Variants in PC observed in about 807,000 individuals in gnomAD.
PC encodes pyruvate carboxylase.
A neutral mutation model predicts 107.8 loss-of-function variants in PC; 46 were observed. The ratio of observed to expected loss-of-function variants is 0.43; its 90% confidence interval spans 0.34 to 0.55. PC has a LOEUF of 0.55. Ranked by LOEUF, PC falls within the 20% of genes least tolerant of loss-of-function variation. The pLI, the probability that PC is intolerant of heterozygous loss-of-function variation, is 0.04. For missense variants in PC, 1,241 were observed against 1,643.1 expected (o/e 0.76, Z 4.23); for synonymous variants, 662 against 684.7 (o/e 0.97, Z 0.52).
chr11:66,859,220 T>G, intron 12 of PC: 1 of 1,243,434 alleles, frequency 8.0e-7, no homozygotes, highest in South Asian at 1.7e-5. Context: ...CCATGGCTGC[T>G]GGACTCTTGG....
At chr11:66,920,157 G>A (rs1279186254) in intron 3 of PC, among the ~76,000 whole-genome samples, 2 of 152,200 alleles carry the variant, frequency 1.3e-5, no homozygotes, top group Non-Finnish European at 2.9e-5. Flanking sequence ...TGGCACAGAG[G>A]AGGGGAGGAG....
rs1415973565 is a variant in PC at position 66,852,625 on chromosome 11, G to A, written c.1639C>T (p.Arg547Ter). The change falls in exon 15 of 23, where the codon CGA (arginine) becomes TGA (stop). Residue 547 changes from arginine to a stop codon, truncating the protein, a stop_gained. Coordinates refer to ENST00000393960, the MANE Select transcript of PC (RefSeq NM_001040716.2). LOFTEE classifies it high-confidence loss of function. The surrounding 1 kb of genome is among the most constrained non-coding windows in gnomAD (Gnocchi z 4.7). ...CGAGCAAAGCCCTCAGGCCCCTCTC[G>A]CAGCAGGATGTCTCTGAAACCAGCC... The part of the protein sequence containing the change: ...PPAGFRDILL[R>*]EGPEGFARAV... The A allele has an allele frequency of 5.0e-6, 8 of 1,613,830 alleles. No homozygotes were observed. Among genetic ancestry groups the A allele is most frequent in the South Asian group, 1.1e-5 (1 of 91,074 alleles).
At chr11:66,898,110 T>C (rs1356783354) in intron 3 of PC, among the ~76,000 whole-genome samples, 1 of 152,148 alleles carries the variant, frequency 6.6e-6, no homozygotes, top group African/African-American at 2.4e-5. Context: ...CCAAATTAAA[T>C]TGGAATTAAG....
chr11:66,905,285 A>G (rs1948122648), intron 3 of PC, among the ~76,000 whole-genome samples: 1 of 152,250 alleles, frequency 6.6e-6, no homozygotes, highest in South Asian at 2.1e-4. Flanking sequence ...CTCACAGAGG[A>G]GACGCTTGGC....
At position 66,850,865 on chromosome 11, in the gene PC, T is replaced by C. The variant is rs1266709873; in HGVS notation, c.2282A>G (p.Asp761Gly). The C allele has an allele frequency of 1.2e-6, 2 of 1,611,338 alleles. No homozygotes were observed. Among genetic ancestry groups the C allele is most frequent in the East Asian group, 4.5e-5 (2 of 44,884 alleles). ...ACTMLVSSLR[D>G]RFPDLPLHIH... Reference sequence around the variant, plus strand: ...GTGCAGTGGGAGGTCGGGGAAGCGGTCCCGGAGGGAGCTGACCAGCATGGT... The same window carrying C: ...GTGCAGTGGGAGGTCGGGGAAGCGGCCCCGGAGGGAGCTGACCAGCATGGT... Residue 761 changes from aspartate (D) to glycine (G), a missense_variant, in exon 18 of 23, where the codon GAC (aspartate) becomes GGC (glycine). Around this residue, in one of 2 missense-constraint regions of PC, gnomAD observed 1,143 missense variants for 1,551.9 expected, o/e 0.74. Transcript: ENST00000393960.
rs1946754873 is a variant in PC, at chr11:66,872,000, C to T, written c.136+24G>A. 1.3e-6 allele frequency: 2 copies of T among 1,557,174 alleles called. No homozygotes were observed. Among genetic ancestry groups the T allele is most frequent in the Middle Eastern group, 1.7e-4 (1 of 5,992 alleles). Reference sequence around the variant, plus strand: ...AGGCTGGGGCGGCCATGAGGCTCCTCTCACCGGCCCCACTGGTGCTCACCT... The same window carrying T: ...AGGCTGGGGCGGCCATGAGGCTCCTTTCACCGGCCCCACTGGTGCTCACCT... On this transcript the variant is annotated intron_variant, in intron 4 of 22. Transcript: ENST00000393960. The surrounding 1 kb of genome is among the most constrained non-coding windows in gnomAD (Gnocchi z 7.4).
rs1236513833 is a variant in PC at position 66,871,089 on chromosome 11, C to G, written c.596G>C (p.Gly199Ala). 2 of 1,613,986 alleles carry G rather than the reference C, an allele frequency of 1.2e-6. No homozygotes were observed. The highest frequency in any genetic ancestry group is 3.3e-5 in the Admixed American group (2 of 60,000). Residue 199 changes from glycine (G) to alanine (A), a missense_variant, in exon 7 of 23, where the codon GGT becomes GCT. Transcript: ENST00000393960. This position sits in a 1 kb window ranked among gnomAD's most constrained non-coding sequence, Gnocchi z 7.4. ...CACCACCCTCATGCCACGCCCTCCA[C>G]CCCCATAGGCCGCCTTGAAGATGAT... ...FPIIFKAAYG[G>A]GGRGMRVVHS...
intron 3 of PC, among the ~76,000 whole-genome samples, chr11:66,909,566 T>G (rs1328982458): frequency 6.6e-6 from 1 of 152,136 alleles, no homozygotes; most frequent in Non-Finnish European, 1.5e-5. Flanking sequence ...CGTGTCCTAT[T>G]TGGTCCAGCG....
rs1565226330 is a variant in PC, at chr11:66,858,848, G to C, written c.1368+4926C>G. ...CCACAGCCCGAGTAGAACTGCGGGTGCTGGCCTTGCCCCATGGTGGGAACA... is the reference window on the plus strand; with the variant it reads ...CCACAGCCCGAGTAGAACTGCGGGTCCTGGCCTTGCCCCATGGTGGGAACA... On this transcript the variant is annotated intron_variant, in intron 12 of 22. Transcript: ENST00000393960. The surrounding 1 kb of genome is among the most constrained non-coding windows in gnomAD (Gnocchi z 5.9). The C allele has an allele frequency of 6.4e-7, 1 of 1,551,918 alleles. No individual in the cohort carries two copies. Among genetic ancestry groups the C allele is most frequent in the Non-Finnish European group, 8.7e-7 (1 of 1,149,106 alleles).
In PC at chr11:66,876,916, C is replaced by T. The variant is rs371733448; in HGVS notation, c.1-4757G>A. On this transcript the variant is annotated intron_variant, in intron 3 of 22. Transcript: ENST00000393960. ...CAGCAAACACAAGTGGCTCTTGAAC[C>T]CACGAGAAAGCAAGAGATTCAAAAT... 2.8e-4 allele frequency among the ~76,000 whole-genome samples: 42 copies of T among 152,324 alleles called. 1 individual carries two copies. The highest frequency in any genetic ancestry group is 9.9e-4 in the African/African-American group (41 of 41,568).
At chr11:66,950,196 G>A (rs1949404182) in intron 3 of PC, among the ~76,000 whole-genome samples, 1 of 152,212 alleles carries the variant, frequency 6.6e-6, no homozygotes, top group Non-Finnish European at 1.5e-5. Flanking sequence ...ACAGACAAGA[G>A]AAAGGTGACA....
chr11:66,920,021 C>T (rs1025550493), intron 3 of PC, among the ~76,000 whole-genome samples: 1 of 152,074 alleles, frequency 6.6e-6, no homozygotes, highest in Non-Finnish European at 1.5e-5. Context: ...TAGCACAAAA[C>T]GGTTGTTGAA....
chr11:66,852,392 G>T lies in PC; in HGVS notation c.1825+47C>A. 3 of 1,473,084 alleles carry T rather than the reference G, an allele frequency of 2.0e-6. No individual in the cohort carries two copies. In the South Asian group the frequency reaches 3.4e-5, roughly 17 times the overall value. 91.3% of individuals were successfully genotyped at this position (1,473,084 alleles called of 1,614,324 possible). A position where few individuals can be genotyped will look rare whatever the true frequency, so the allele number is the denominator to read the frequency against. On this transcript the variant is annotated intron_variant, in intron 15 of 22. Transcript: ENST00000393960. The surrounding 1 kb of genome is among the most constrained non-coding windows in gnomAD (Gnocchi z 4.7). ...GCCTAAGCCTGTGGGACTGGCCACA[G>T]AGCGGGCGCCCATTCCTACCAGGCG...
rs1591143695 is a variant in PC at position 66,857,570 on chromosome 11, C to G, written c.1369-4187G>C. The G allele has an allele frequency of 9.3e-6, 6 of 647,538 alleles. No individual in the cohort carries two copies. The highest frequency in any genetic ancestry group is 9.0e-5 in the Admixed American group (3 of 33,390). The allele number at this position is 647,538 out of a possible 1,614,324, so 40.1% of individuals were successfully genotyped here. On this transcript the variant is annotated intron_variant, in intron 12 of 22. Coordinates refer to ENST00000393960, the MANE Select transcript of PC (RefSeq NM_001040716.2). The surrounding 1 kb of genome is among the most constrained non-coding windows in gnomAD (Gnocchi z 7.1). ...GTGACCTTTGCTCTGGGGGGCCTGG[C>G]CCTGCAGGCCCCAACCTTCCCTCAT...
chr11:66,870,548 T>G lies in PC; in HGVS notation c.752-95A>C, dbSNP rs1946684567. On this transcript the variant is annotated intron_variant, in intron 8 of 22. Coordinates refer to ENST00000393960, the MANE Select transcript of PC (RefSeq NM_001040716.2). This position sits in a 1 kb window ranked among gnomAD's most constrained non-coding sequence, Gnocchi z 6.1. Reference sequence around the variant, plus strand: ...CCACATAACCACTGTCGCCAGTCAGTGCCGGCTGCCAGCGGTACAGAGGCT... The same window carrying G: ...CCACATAACCACTGTCGCCAGTCAGGGCCGGCTGCCAGCGGTACAGAGGCT... 6.9e-7 allele frequency: 1 copy of G among 1,440,188 alleles called. No individual in the cohort carries two copies. The highest frequency in any genetic ancestry group is 1.4e-5 in the African/African-American group (1 of 71,630). The allele number at this position is 1,440,188 out of a possible 1,614,324, so 89.2% of individuals were successfully genotyped here. A position where few individuals can be genotyped will look rare whatever the true frequency, so the allele number is the denominator to read the frequency against.
chr11:66,860,671 T>C (rs1263693687), intron 12 of PC: 3 of 701,554 alleles, frequency 4.3e-6, no homozygotes, highest in Non-Finnish European at 7.8e-6. Context: ...TCTTCTGACC[T>C]GCAAGAGCAT....
rs200202736 is a variant in PC, at chr11:66,871,278, G to C, written c.487+37C>G. On this transcript the variant is annotated intron_variant, in intron 6 of 22. Coordinates refer to ENST00000393960, the MANE Select transcript of PC (RefSeq NM_001040716.2). This position sits in a 1 kb window ranked among gnomAD's most constrained non-coding sequence, Gnocchi z 7.4. ...CCTCCCTGCTGGACCCTCTCCAGGA[G>C]CTGCGGGGCCACCCCTTGCTTGCCC... 1.4e-5 allele frequency: 23 copies of C among 1,614,112 alleles called. No homozygotes were observed. In the East Asian group the frequency reaches 5.1e-4, roughly 36 times the overall value.
Position 66,851,826 on chromosome 11 carries a change from A to G in PC, c.1946T>C (p.Val649Ala), listed in dbSNP as rs924670167. ...FQMLLRGANAVGYTNYPDNVV... is the reference protein window; with the variant it reads ...FQMLLRGANAAGYTNYPDNVV... The stretch of plus-strand genomic sequence containing the variant: ...GTTGTCTGGGTAGTTGGTGTAGCCC[A>G]CAGCATTGGCCCCCCGCAGCAGCAT... The change falls in exon 16 of 23, where the codon GTG becomes GCG. Residue 649 changes from valine (V) to alanine (A), a missense_variant. This residue lies in a region of PC where 1,143 missense variants were observed against 1,551.9 expected (regional missense o/e 0.74). Transcript: ENST00000393960. 9.3e-6 allele frequency: 15 copies of G among 1,614,122 alleles called. No homozygotes were observed. Among genetic ancestry groups the G allele is most frequent in the Non-Finnish European group, 1.3e-5 (15 of 1,179,994 alleles).
Position 66,863,754 on chromosome 11 carries a change from C to A in PC, c.1368+20G>T, listed in dbSNP as rs749253680. Reference sequence around the variant, plus strand: ...TCCAAGGGCCGGGAGCAAAGGCAGGCGGGGGCTGCAGCCTCTCACCTTCAC... The same window carrying A: ...TCCAAGGGCCGGGAGCAAAGGCAGGAGGGGGCTGCAGCCTCTCACCTTCAC... On this transcript the variant is annotated intron_variant, in intron 12 of 22. Coordinates refer to ENST00000393960, the MANE Select transcript of PC (RefSeq NM_001040716.2). The A allele has an allele frequency of 5.6e-6, 9 of 1,597,074 alleles. No homozygotes were observed. The highest frequency in any genetic ancestry group is 1.1e-5 in the South Asian group (1 of 89,944).
Sources: allele counts gnomAD v4.1 joint callset (sites outside exome capture counted in the v4.1 genomes callset), GRCh38; gene constraint gnomAD v4.1.1; regional missense constraint gnomAD v4.1.1; non-coding constraint Gnocchi (gnomAD v3.1); transcripts MANE v1.5; gene names NCBI Gene and HGNC (gene_info 2026-07-23, HGNC 2026-07-21).